ANGPT1: variants seen among roughly 807,000 people sequenced by gnomAD.
ANGPT1 encodes angiopoietin-1.
ANGPT1 carries 17 observed loss-of-function variants against 62.2 expected under a neutral mutation model. That is an observed-to-expected ratio of 0.27 (90% CI 0.19 to 0.41). ANGPT1 has a LOEUF of 0.41. ANGPT1 is among the 10% of genes least tolerant of loss of function. The pLI is 1.00. For synonymous variants in ANGPT1, 199 were observed against 198.9 expected (o/e 1.00, Z 0.00); for missense variants, 478 against 594.9 (o/e 0.80, Z 2.04).
In ANGPT1 at chr8:107,303,386, A is replaced by G; in HGVS notation, c.809-19T>C. The G allele has an allele frequency of 1.3e-6, 2 of 1,568,360 alleles. No homozygotes were observed. The highest frequency in any genetic ancestry group is 2.3e-5 in the East Asian group (1 of 44,378). ...AGTAAAACTGCAAAAAAAAAAAAAA[A>G]GATTGCAATATGTGAATATCAGTAC... On this transcript the variant is annotated intron_variant, in intron 4 of 8. Transcript: ENST00000517746.
At chr8:107,327,712 A>T (rs1217540994) in intron 3 of ANGPT1, among the ~76,000 whole-genome samples, 1 of 152,114 alleles carries the variant, frequency 6.6e-6, no homozygotes, top group Non-Finnish European at 1.5e-5. Context: ...GAGTCTTAGG[A>T]CTTCCTGTTT....
At chr8:107,410,874 C>T (rs1817255954) in intron 1 of ANGPT1, among the ~76,000 whole-genome samples, 1 of 152,088 alleles carries the variant, frequency 6.6e-6, no homozygotes, top group South Asian at 2.1e-4. Context: ...TACCATTTGT[C>T]TCTTACTTAG....
intron 1 of ANGPT1, among the ~76,000 whole-genome samples, chr8:107,379,611 A>G (rs1816596295): frequency 6.6e-6 from 1 of 152,032 alleles, no homozygotes; most frequent in African/African-American, 2.4e-5. Flanking sequence ...TTGACACTAA[A>G]CCTGTACCCA....
At position 107,303,346 on chromosome 8, in the gene ANGPT1, C is replaced by A; in HGVS notation, c.830G>T (p.Arg277Ile). The A allele has an allele frequency of 6.3e-7, 1 of 1,580,318 alleles. No homozygotes were observed. The highest frequency in any genetic ancestry group is 8.6e-7 in the Non-Finnish European group (1 of 1,162,658). ...GTCTCTAAATGGTTTCTCTTCCTCT[C>A]TTTTTCCTCCCTTTAGTAAAACTGC... ...KEGVLLKGGK[R>I]EEEKPFRDCA... The change falls in exon 5 of 9, where the codon AGA becomes ATA. Residue 277 changes from arginine (R) to isoleucine (I), a missense_variant. Physicochemically the swap from Arg to Ile is moderately conservative, Grantham distance 97 (BLOSUM62 -3). This residue lies in a region of ANGPT1 where 343 missense variants were observed against 355.4 expected (regional missense o/e 0.97). Transcript: ENST00000517746.
At chr8:107,303,424 A>G in intron 4 of ANGPT1, 57 bp from the exon 5 acceptor site, 3 of 1,420,202 alleles carry the variant, frequency 2.1e-6, no homozygotes, top group Non-Finnish European at 1.9e-6. Flanking sequence ...TTAGTAGCCA[A>G]ACTGACTCCA....
chr8:107,304,405 A>G (rs889866987), intron 4 of ANGPT1, among the ~76,000 whole-genome samples: 5 of 151,664 alleles, frequency 3.3e-5, no homozygotes, highest in African/African-American at 9.7e-5. Context: ...TAAGATTAAG[A>G]CTATTTTGTT....
In ANGPT1 at chr8:107,313,905, A is replaced by C. The variant is rs74308046; in HGVS notation, c.808+7991T>G. Among the ~76,000 whole-genome samples the C allele has an allele frequency of 1.6e-4, 24 of 152,270 alleles. No homozygotes were observed. The East Asian group carries it at 4.4e-3, about 28-fold the overall frequency. On this transcript the variant is annotated intron_variant, in intron 4 of 8. Transcript: ENST00000517746. ...TTCTTACAGTATAAAAAATTTCATG[A>C]GGTCTTCACTCTATAGTTGATATGA...
At chr8:107,375,933 A>T (rs929201538) in intron 1 of ANGPT1, among the ~76,000 whole-genome samples, 1 of 152,154 alleles carries the variant, frequency 6.6e-6, no homozygotes, top group Non-Finnish European at 1.5e-5. Flanking sequence ...ATATGACCCA[A>T]TTGGATTTGT....
Position 107,306,562 on chromosome 8 carries a change from G to C in ANGPT1, c.809-3195C>G, listed in dbSNP as rs185987567. The stretch of plus-strand genomic sequence containing the variant: ...GCAGAGTTCTGAAGTCCAATGTCAT[G>C]CATAGATATTATAAAACTGGACACC... On this transcript the variant is annotated intron_variant, in intron 4 of 8. Transcript: ENST00000517746. 1.4e-3 allele frequency among the ~76,000 whole-genome samples: 216 copies of C among 152,214 alleles called. 2 individuals carry two copies. Among genetic ancestry groups the C allele is most frequent in the African/African-American group, 5.0e-3 (206 of 41,544 alleles).
chr8:107,360,550 T>C (rs867221981), intron 1 of ANGPT1, among the ~76,000 whole-genome samples: 1 of 152,220 alleles, frequency 6.6e-6, no homozygotes, highest in Non-Finnish European at 1.5e-5. Flanking sequence ...AGTGTTTTGT[T>C]TGACTAGCAC....
intron 1 of ANGPT1, among the ~76,000 whole-genome samples, chr8:107,471,579 C>A (rs1251525829): frequency 6.6e-6 from 1 of 151,994 alleles, no homozygotes; most frequent in Non-Finnish European, 1.5e-5. Context: ...AACTTTCCTG[C>A]ATATCACTGT....
chr8:107,443,584 G>C (rs1192008108), intron 1 of ANGPT1, among the ~76,000 whole-genome samples: 1 of 151,564 alleles, frequency 6.6e-6, no homozygotes, highest in Non-Finnish European at 1.5e-5. Flanking sequence ...TGAGGCGGGC[G>C]GATCACCTGA....
intron 1 of ANGPT1, among the ~76,000 whole-genome samples, chr8:107,466,930 A>C (rs1812217056): frequency 6.6e-6 from 1 of 151,988 alleles, no homozygotes; most frequent in African/African-American, 2.4e-5. Context: ...TAATCGAGAA[A>C]TATACAAATT....
intron 1 of ANGPT1, among the ~76,000 whole-genome samples, chr8:107,369,716 G>T (rs1343558053): frequency 6.6e-6 from 1 of 151,800 alleles, no homozygotes; most frequent in African/African-American, 2.4e-5. Context: ...GGCCCATTGA[G>T]AGGGAGAGAG....
At chr8:107,349,902 A>G (rs1400170810) in intron 1 of ANGPT1, among the ~76,000 whole-genome samples, 2 of 152,150 alleles carry the variant, frequency 1.3e-5, no homozygotes, top group Non-Finnish European at 2.9e-5. Flanking sequence ...GAAACTGTAT[A>G]TTTTATAAAG....
At chr8:107,460,385 G>T (rs1812036547) in intron 1 of ANGPT1, among the ~76,000 whole-genome samples, 1 of 152,018 alleles carries the variant, frequency 6.6e-6, no homozygotes, top group African/African-American at 2.4e-5. Context: ...AAAGGCAACT[G>T]GCTGCCTATT....
intron 1 of ANGPT1, among the ~76,000 whole-genome samples, chr8:107,405,605 G>T (rs1021462266): frequency 1.3e-5 from 2 of 151,926 alleles, no homozygotes; most frequent in African/African-American, 2.4e-5. Context: ...TTTGTGTTTA[G>T]ATTTGGGTCC....
intron 2 of ANGPT1, among the ~76,000 whole-genome samples, chr8:107,344,877 A>C (rs1214396448): frequency 6.6e-6 from 1 of 152,214 alleles, no homozygotes; most frequent in Non-Finnish European, 1.5e-5. Flanking sequence ...GGAATAATTC[A>C]GGATTACTTT....
chr8:107,303,880 A>G (rs1486857569), intron 4 of ANGPT1, among the ~76,000 whole-genome samples: 1 of 151,966 alleles, frequency 6.6e-6, no homozygotes, highest in Non-Finnish European at 1.5e-5. Context: ...CTGTGACTTT[A>G]TATTGAAGAG....
Sources: allele counts gnomAD v4.1 joint callset (sites outside exome capture counted in the v4.1 genomes callset), GRCh38; gene constraint gnomAD v4.1.1; regional missense constraint gnomAD v4.1.1; transcripts MANE v1.5; gene names NCBI Gene and HGNC (gene_info 2026-07-23, HGNC 2026-07-21).